The following MYO5A variants were observed in gnomAD, a reference collection of about 807,000 sequenced individuals.
The protein encoded by MYO5A is myosin VA.
MYO5A carries 98 observed loss-of-function variants against 249.7 expected under a neutral mutation model. That is an observed-to-expected ratio of 0.39 (90% CI 0.33 to 0.46). The LOEUF (loss-of-function observed/expected upper bound fraction) is 0.46. Ranked by LOEUF, MYO5A falls within the 20% of genes least tolerant of loss-of-function variation. The probability of loss-of-function intolerance (pLI) is 0.98; values close to 1 mark genes in which losing one functional copy is unlikely to be tolerated. For missense variants in MYO5A, 1,696 were observed against 2,308.8 expected, an observed-to-expected ratio of 0.73 and a Z score of 5.44; for synonymous variants, 778 against 810.6, an observed-to-expected ratio of 0.96 and a Z score of 0.68.
In MYO5A at chr15:52,397,346, A is replaced by G. The variant is rs1276483298; in HGVS notation, c.1174T>C (p.Ser392Pro). ...CGGGCATTCGTGGCCTGCAGCTTGG[A>G]GATGGGCTTGATGTATGTCTCTGTG... Reference protein sequence around the residue: ...TATETYIKPISKLQATNARDA... With the variant: ...TATETYIKPIPKLQATNARDA... The change falls in exon 10 of 42, where the codon TCC (serine) becomes CCC (proline). Residue 392 changes from serine (S) to proline (P), a missense_variant. Ser to Pro is a moderately conservative substitution (Grantham distance 74). This residue lies in a region of MYO5A where 185 missense variants were observed against 204.8 expected (regional missense o/e 0.90). Coordinates refer to ENST00000399233, the MANE Select transcript of MYO5A (RefSeq NM_001382347.1). 1.2e-6 allele frequency: 2 copies of G among 1,614,094 alleles called. No individual in the cohort carries two copies. The highest frequency in any genetic ancestry group is 4.5e-5 in the East Asian group (2 of 44,866).
chr15:52,327,741 A>T (rs1365882756), intron 36 of MYO5A, 111 bp downstream of exon 36: 10 of 1,168,444 alleles, frequency 8.6e-6, no homozygotes, highest in Non-Finnish European at 1.0e-5. Flanking sequence ...AAAAATTGGA[A>T]AGTTTTAATA....
chr15:52,374,736 A>C (rs1050610724), intron 20 of MYO5A, among the ~76,000 whole-genome samples: 4 of 152,258 alleles, frequency 2.6e-5, no homozygotes, highest in Admixed American at 1.3e-4. Flanking sequence ...TTCTGGAAGG[A>C]GAGCAGCCTG....
At chr15:52,325,389 G>A (rs79265498) in intron 36 of MYO5A, among the ~76,000 whole-genome samples, 5,461 of 151,690 alleles carry the variant, frequency 0.036, 333 homozygotes, top group African/African-American at 0.13. Context: ...GTGGGCTCTA[G>A]GCTTTGCTAA....
intron 9 of MYO5A, among the ~76,000 whole-genome samples, chr15:52,398,864 C>T (rs527492885): frequency 1.3e-5 from 2 of 152,230 alleles, no homozygotes; most frequent in African/African-American, 4.8e-5. Context: ...TGGCAGACAC[C>T]TGTAATCCCA....
chr15:52,404,231 C>T (rs1021899231), intron 9 of MYO5A, among the ~76,000 whole-genome samples: 1 of 134,312 alleles, frequency 7.4e-6, no homozygotes, highest in Admixed American at 8.6e-5. Context: ...CATGCCTTTG[C>T]ACTCCAGCCT....
At chr15:52,499,920 C>T (rs2077119066) in intron 1 of MYO5A, among the ~76,000 whole-genome samples, 2 of 152,116 alleles carry the variant, frequency 1.3e-5, no homozygotes, top group Admixed American at 6.5e-5. Flanking sequence ...CAGTAGGTCA[C>T]ACCTGTAACC....
chr15:52,352,944 T>C (rs1198748017), intron 27 of MYO5A, among the ~76,000 whole-genome samples: 1 of 152,210 alleles, frequency 6.6e-6, no homozygotes, highest in Non-Finnish European at 1.5e-5. Flanking sequence ...AGATTCTTAT[T>C]GCTCATTTCT....
intron 1 of MYO5A, among the ~76,000 whole-genome samples, chr15:52,486,781 A>G (rs1207495846): frequency 6.6e-6 from 1 of 152,164 alleles, no homozygotes; most frequent in Admixed American, 6.5e-5. Flanking sequence ...CCAATTCTAA[A>G]GGCCAAGGGT....
At chr15:52,510,372 C>G (rs1403323358) in intron 1 of MYO5A, among the ~76,000 whole-genome samples, 1 of 152,134 alleles carries the variant, frequency 6.6e-6, no homozygotes, top group African/African-American at 2.4e-5. Context: ...CTTAGAAAAT[C>G]CTCTTAAACA....
rs139458701 is a variant in MYO5A at position 52,508,630 on chromosome 15, C to A, written c.27+20150G>T. On this transcript the variant is annotated intron_variant, in intron 1 of 41. Transcript: ENST00000399233. ...GCTATTATTCCCCGCCTCACCCCCA[C>A]CCCCTGCCAAAACATTAACCCTGTT... 3.5e-3 allele frequency among the ~76,000 whole-genome samples: 528 copies of A among 152,202 alleles called. 1 individual carries two copies. The highest frequency in any genetic ancestry group is 6.3e-3 in the Non-Finnish European group (431 of 68,018).
chr15:52,425,771 A>G, intron 4 of MYO5A, 59 bp downstream of exon 4: 1 of 1,579,778 alleles, frequency 6.3e-7, no homozygotes, highest in East Asian at 2.2e-5. Context: ...GTGACTTAGC[A>G]AGAAGAAATT....
intron 27 of MYO5A, 113 bp downstream of exon 27, chr15:52,353,492 C>A: frequency 1.1e-6 from 1 of 873,188 alleles, no homozygotes; most frequent in South Asian, 1.3e-5. Flanking sequence ...GAAGCTAGGA[C>A]CTCTGGTGCA....
At chr15:52,328,266 G>A (rs79553077) in intron 35 of MYO5A, among the ~76,000 whole-genome samples, 3,567 of 150,644 alleles carry the variant, frequency 0.024, 64 homozygotes, top group Middle Eastern at 0.048. Context: ...CTACCTTCTT[G>A]ACAACTCTGC....
intron 36 of MYO5A, chr15:52,323,926 T>C (rs926117880): frequency 5.7e-6 from 1 of 176,710 alleles, no homozygotes; most frequent in African/African-American, 2.6e-5. Context: ...ATCACTTAAA[T>C]CCAGGAGGCG....
intron 33 of MYO5A, among the ~76,000 whole-genome samples, chr15:52,337,399 TG>T (rs555303234): frequency 1.6e-3 from 245 of 152,344 alleles, no homozygotes; most frequent in African/African-American, 5.7e-3. Context: ...GTCAGCAATG[TG>T]TGTGGTCTGT....
intron 1 of MYO5A, among the ~76,000 whole-genome samples, chr15:52,514,782 C>T (rs2077464186): frequency 6.6e-6 from 1 of 152,168 alleles, no homozygotes; most frequent in South Asian, 2.1e-4. Context: ...TTCAGATGGA[C>T]ACCAAAGTTC....
intron 5 of MYO5A, among the ~76,000 whole-genome samples, chr15:52,413,319 A>T (rs2043331749): frequency 6.6e-6 from 1 of 152,084 alleles, no homozygotes; most frequent in Admixed American, 6.5e-5. Flanking sequence ...TTAAAAAAAA[A>T]AAAGTTTCAG....
intron 1 of MYO5A, among the ~76,000 whole-genome samples, chr15:52,459,306 G>A (rs1224062275): frequency 6.6e-6 from 1 of 151,900 alleles, no homozygotes; most frequent in Non-Finnish European, 1.5e-5. Flanking sequence ...AGAGGGCCCT[G>A]CCGCCTTCCA....
At chr15:52,474,462 G>T (rs1595750862) in intron 1 of MYO5A, among the ~76,000 whole-genome samples, 1 of 152,168 alleles carries the variant, frequency 6.6e-6, no homozygotes, top group Admixed American at 6.5e-5. Flanking sequence ...TCCCTGTCTT[G>T]TGCCAGTTTT....
Sources: allele counts gnomAD v4.1 joint callset (sites outside exome capture counted in the v4.1 genomes callset), GRCh38; gene constraint gnomAD v4.1.1; regional missense constraint gnomAD v4.1.1; transcripts MANE v1.5; gene names NCBI Gene and HGNC (gene_info 2026-07-23, HGNC 2026-07-21).